MSRB3: variants seen among roughly 807,000 people sequenced by gnomAD.
MSRB3 encodes methionine-R-sulfoxide reductase B3.
MSRB3 carries 13 observed loss-of-function variants against 21.0 expected under a neutral mutation model. The ratio of observed to expected loss-of-function variants is 0.62; its 90% CI spans 0.40 to 0.98. MSRB3 has a LOEUF of 0.98. Ranked by LOEUF, MSRB3 falls within the 50% of genes least tolerant of loss-of-function variation. MSRB3 has a pLI of 0.00. For missense variants in MSRB3, 199 were observed against 230.3 expected, an observed-to-expected ratio of 0.86 and a Z score of 0.88; for synonymous variants, 87 against 88.6, an observed-to-expected ratio of 0.98 and a Z score of 0.10.
At chr12:65,279,270 C>T (rs1032128027) in intron 1 of MSRB3, 2 of 177,930 alleles carry the variant, frequency 1.1e-5, no homozygotes, top group Admixed American at 6.4e-5. Context: ...TGCGTCGACC[C>T]TGCCGGGGTT....
At chr12:65,296,536 A>G (rs1373346352) in intron 1 of MSRB3, among the ~76,000 whole-genome samples, 2 of 152,212 alleles carry the variant, frequency 1.3e-5, no homozygotes, top group African/African-American at 4.8e-5. Flanking sequence ...GATCTTAGAG[A>G]GTAACTAAAT....
At chr12:65,363,150 A>G (rs1877807637) in intron 4 of MSRB3, among the ~76,000 whole-genome samples, 1 of 152,128 alleles carries the variant, frequency 6.6e-6, no homozygotes. Context: ...AACATTAAGA[A>G]CAGCACCCTC....
At chr12:65,431,280 C>A (rs1468009372) in intron 5 of MSRB3, among the ~76,000 whole-genome samples, 2 of 152,040 alleles carry the variant, frequency 1.3e-5, no homozygotes, top group Non-Finnish European at 2.9e-5. Flanking sequence ...CAATCTCTTT[C>A]ATTGCTTTAG....
chr12:65,310,648 T>C (rs1482563403), intron 2 of MSRB3, among the ~76,000 whole-genome samples: 1 of 152,246 alleles, frequency 6.6e-6, no homozygotes, highest in Non-Finnish European at 1.5e-5. Context: ...CTTCAAGATA[T>C]GACAGTCATG....
chr12:65,406,131 C>T (rs1477649418), intron 5 of MSRB3, among the ~76,000 whole-genome samples: 3 of 151,902 alleles, frequency 2.0e-5, no homozygotes, highest in Non-Finnish European at 4.4e-5. Flanking sequence ...GAGTCATATC[C>T]AAAACACACT....
At chr12:65,283,397 A>G (rs899453135) in intron 1 of MSRB3, among the ~76,000 whole-genome samples, 3 of 152,088 alleles carry the variant, frequency 2.0e-5, no homozygotes, top group Admixed American at 6.6e-5. Context: ...CAACTTCACT[A>G]AACTATAAAT....
At chr12:65,439,794 C>T (rs894028484) in intron 5 of MSRB3, among the ~76,000 whole-genome samples, 1 of 150,670 alleles carries the variant, frequency 6.6e-6, no homozygotes, top group African/African-American at 2.4e-5. Flanking sequence ...AAACATCAAA[C>T]GAGTAGAAAG....
At chr12:65,373,152 T>C (rs1377006177) in intron 5 of MSRB3, among the ~76,000 whole-genome samples, 4 of 152,148 alleles carry the variant, frequency 2.6e-5, no homozygotes, top group African/African-American at 9.7e-5. Flanking sequence ...TTCAAGAACA[T>C]GCACGTCTCT....
At chr12:65,316,731 A>G (rs1874323632) in intron 2 of MSRB3, among the ~76,000 whole-genome samples, 1 of 152,174 alleles carries the variant, frequency 6.6e-6, no homozygotes, top group Admixed American at 6.5e-5. Flanking sequence ...AAGGAGTTAT[A>G]TACTTGAAGG....
chr12:65,337,487 A>G (rs1045148326), intron 4 of MSRB3, among the ~76,000 whole-genome samples: 4 of 150,610 alleles, frequency 2.7e-5, no homozygotes, highest in African/African-American at 9.7e-5. Flanking sequence ...GCATAACCAT[A>G]GTCAAGTTAT....
intron 5 of MSRB3, among the ~76,000 whole-genome samples, chr12:65,428,810 T>C (rs1881736323): frequency 6.6e-6 from 1 of 152,178 alleles, no homozygotes; most frequent in Admixed American, 6.6e-5. Context: ...AACGCTAAAC[T>C]AATTCCCCAG....
intron 5 of MSRB3, among the ~76,000 whole-genome samples, chr12:65,393,822 T>C (rs1159010330): frequency 6.6e-6 from 1 of 152,042 alleles, no homozygotes; most frequent in Non-Finnish European, 1.5e-5. Flanking sequence ...CTCAGTGTTA[T>C]TGTTGATGTG....
chr12:65,408,328 C>T (rs1481942430), intron 5 of MSRB3, among the ~76,000 whole-genome samples: 2 of 152,010 alleles, frequency 1.3e-5, no homozygotes, highest in African/African-American at 4.8e-5. Flanking sequence ...CTCCTGACCT[C>T]GTGATCCACC....
At chr12:65,386,355 A>G (rs141147673) in intron 5 of MSRB3, among the ~76,000 whole-genome samples, 1 of 152,080 alleles carries the variant, frequency 6.6e-6, no homozygotes, top group Non-Finnish European at 1.5e-5. Context: ...CTTTAAGAGT[A>G]GTTATTGGTA....
chr12:65,415,275 G>T (rs1379724301), intron 5 of MSRB3, among the ~76,000 whole-genome samples: 1 of 152,164 alleles, frequency 6.6e-6, no homozygotes, highest in Non-Finnish European at 1.5e-5. Flanking sequence ...TGAGGTCATT[G>T]CAATTTTACT....
chr12:65,361,146 T>C (rs1378270166), intron 4 of MSRB3, among the ~76,000 whole-genome samples: 1 of 152,114 alleles, frequency 6.6e-6, no homozygotes, highest in Non-Finnish European at 1.5e-5. Context: ...CTTGTGGCCA[T>C]AGGTAAACTT....
chr12:65,317,566 T>C (rs572901526), intron 2 of MSRB3, among the ~76,000 whole-genome samples: 1 of 152,306 alleles, frequency 6.6e-6, no homozygotes, highest in Admixed American at 6.5e-5. Context: ...TAGCATTTTT[T>C]TCAGAGCCAG....
At chr12:65,379,412 G>T (rs1878820871) in intron 5 of MSRB3, among the ~76,000 whole-genome samples, 1 of 152,096 alleles carries the variant, frequency 6.6e-6, no homozygotes, top group Admixed American at 6.5e-5. Flanking sequence ...AAATTTTAGT[G>T]GTTTAACAAA....
chr12:65,345,095 AT>A, intron 4 of MSRB3, among the ~76,000 whole-genome samples: 1 of 152,164 alleles, frequency 6.6e-6, no homozygotes, highest in South Asian at 2.1e-4. Flanking sequence ...TGAATGCGAG[AT>A]TGGTGAAAAG....
Sources: allele counts gnomAD v4.1 joint callset (sites outside exome capture counted in the v4.1 genomes callset), GRCh38; gene constraint gnomAD v4.1.1; transcripts MANE v1.5; gene names NCBI Gene and HGNC (gene_info 2026-07-23, HGNC 2026-07-21).